Variants in SHROOM3 observed in about 807,000 individuals in gnomAD.
The protein encoded by SHROOM3 is shroom family member 3, also known as protein Shroom3.
In SHROOM3, 47 loss-of-function variants were observed where a neutral mutation model predicts 138.6. That is an observed-to-expected ratio of 0.34 (90% CI 0.27 to 0.43). The LOEUF is 0.43. Ranked by LOEUF, SHROOM3 falls within the 20% of genes least tolerant of loss-of-function variation. The pLI is 1.00. For missense variants in SHROOM3, 2,491 were observed against 2,596.5 expected, an observed-to-expected ratio of 0.96 and a Z score of 0.88; for synonymous variants, 1,062 against 1,063.3, an observed-to-expected ratio of 1.00 and a Z score of 0.02.
In SHROOM3 at chr4:76,740,444, C is replaced by T; in HGVS notation, c.2271C>T (p.Gly757=). ...APSHPHTSSL[G]RRGPGPGSAS... ...CGCACCCGCACACATCCAGTCTGGG[C>T]CGGAGGGGGCCCGGCCCAGGCAGCG... The change falls in exon 5 of 11, where the codon GGC becomes GGT. Residue 757 remains glycine, a synonymous_variant. Transcript: ENST00000296043. The surrounding 1 kb of genome is among the most constrained non-coding windows in gnomAD (Gnocchi z 4.0). 6.2e-7 allele frequency: 1 copy of T among 1,611,970 alleles called. No individual in the cohort carries two copies.
intron 1 of SHROOM3, among the ~76,000 whole-genome samples, chr4:76,462,397 G>A (rs944402642): frequency 5.9e-5 from 9 of 151,940 alleles, no homozygotes; most frequent in Non-Finnish European, 2.9e-5. Flanking sequence ...TCTACATATA[G>A]TCTACATATA....
At chr4:76,583,802 TACTA>T (rs1321627723) in intron 2 of SHROOM3, among the ~76,000 whole-genome samples, 5 of 152,226 alleles carry the variant, frequency 3.3e-5, no homozygotes, top group African/African-American at 9.7e-5. Context: ...ACATAGTAAC[TACTA>T]ACTATGGGTC....
chr4:76,604,267 A>G (rs981758857), intron 2 of SHROOM3, among the ~76,000 whole-genome samples: 5 of 152,140 alleles, frequency 3.3e-5, no homozygotes, highest in Non-Finnish European at 5.9e-5. Flanking sequence ...CTACTGGTTG[A>G]TTGTGCTTTA....
chr4:76,501,318 G>A (rs1004278151), intron 1 of SHROOM3, among the ~76,000 whole-genome samples: 1 of 152,030 alleles, frequency 6.6e-6, no homozygotes, highest in African/African-American at 2.4e-5. Context: ...GTTTCTTTGT[G>A]TTACTATTTG....
At chr4:76,713,350 A>G (rs1322858405) in intron 3 of SHROOM3, among the ~76,000 whole-genome samples, 2 of 151,990 alleles carry the variant, frequency 1.3e-5, no homozygotes, top group East Asian at 3.9e-4. Flanking sequence ...TTTTCTTTTA[A>G]ACATTTTTGT....
chr4:76,509,032 C>T (rs1732275515), intron 1 of SHROOM3, among the ~76,000 whole-genome samples: 1 of 152,148 alleles, frequency 6.6e-6, no homozygotes, highest in African/African-American at 2.4e-5. Context: ...GTGTTCATGA[C>T]TTAATCACTT....
chr4:76,609,551 G>A (rs952499632), intron 2 of SHROOM3, among the ~76,000 whole-genome samples: 5 of 152,206 alleles, frequency 3.3e-5, no homozygotes, highest in African/African-American at 7.2e-5. Context: ...GATTACAGGC[G>A]TGAGCCATTG....
Position 76,550,107 on chromosome 4 carries a change from G to A in SHROOM3, c.169-5502G>A, listed in dbSNP as rs551213219. The stretch of plus-strand genomic sequence containing the variant: ...TGTGCGTTTTAATTTTTTTTTATCA[G>A]TATAGGCTCTCTGACATGTCCCAGT... On this transcript the variant is annotated intron_variant, in intron 1 of 10. Coordinates refer to ENST00000296043, the MANE Select transcript of SHROOM3 (RefSeq NM_020859.4). 3.0e-4 allele frequency among the ~76,000 whole-genome samples: 45 copies of A among 152,150 alleles called. No homozygotes were observed. In the South Asian group the frequency reaches 8.7e-3, roughly 30 times the overall value.
intron 2 of SHROOM3, among the ~76,000 whole-genome samples, chr4:76,691,952 T>TGGG (rs1203356675): frequency 1.3e-5 from 2 of 152,190 alleles, no homozygotes; most frequent in Non-Finnish European, 2.9e-5. Flanking sequence ...CAGGATTTCA[T>TGGG]GGGTTGCCGC....
At chr4:76,719,519 ACAT>A (rs1226832617) in intron 3 of SHROOM3, among the ~76,000 whole-genome samples, 1 of 152,256 alleles carries the variant, frequency 6.6e-6, no homozygotes, top group Non-Finnish European at 1.5e-5. Context: ...ATGCTATTAC[ACAT>A]CATAGATATT....
chr4:76,465,800 T>C (rs1035424658), intron 1 of SHROOM3, among the ~76,000 whole-genome samples: 1 of 152,234 alleles, frequency 6.6e-6, no homozygotes, highest in African/African-American at 2.4e-5. Context: ...AAATATAAGA[T>C]TGCTGGGCCT....
intron 1 of SHROOM3, among the ~76,000 whole-genome samples, chr4:76,468,908 A>C (rs911542002): frequency 1.3e-5 from 2 of 151,788 alleles, no homozygotes; most frequent in Non-Finnish European, 2.9e-5. Context: ...GTGGCAGGCG[A>C]CTGTAGTCCC....
chr4:76,756,971 C>A (rs756139784), intron 8 of SHROOM3, 34 bp downstream of exon 8: 2 of 1,613,234 alleles, frequency 1.2e-6, no homozygotes, highest in Non-Finnish European at 1.7e-6. Flanking sequence ...GAGAGACTTA[C>A]AATCACACTC....
intron 2 of SHROOM3, among the ~76,000 whole-genome samples, chr4:76,575,092 C>A (rs1733912631): frequency 6.6e-6 from 1 of 152,154 alleles, no homozygotes; most frequent in Admixed American, 6.5e-5. Context: ...GAATGAAGAA[C>A]AAAACCAGAT....
intron 3 of SHROOM3, among the ~76,000 whole-genome samples, chr4:76,713,872 C>T (rs1720301132): frequency 6.6e-6 from 1 of 152,082 alleles, no homozygotes; most frequent in Non-Finnish European, 1.5e-5. Context: ...AATTGTAAGC[C>T]CTATGTTAGT....
In SHROOM3 at chr4:76,681,597, GTGTGT is replaced by G. The variant is rs1719196265; in HGVS notation, c.324-28558_324-28554del. On this transcript the variant is annotated intron_variant, in intron 2 of 10. Coordinates refer to ENST00000296043, the MANE Select transcript of SHROOM3 (RefSeq NM_020859.4). ...AAGAAGCTTAGGCAGAGTCTAGGGT[GTGTGT>G]GTGTGTGTGTGTGTGTGTGTGTGTG... 4.2e-5 allele frequency among the ~76,000 whole-genome samples: 5 copies of G among 118,536 alleles called. No individual in the cohort carries two copies. The South Asian group carries it at 1.6e-3, about 39-fold the overall frequency. The allele number at this position is 118,536 out of a possible 152,430, so 77.8% of individuals were successfully genotyped here.
chr4:76,586,514 C>T, intron 2 of SHROOM3: 2 of 973,082 alleles, frequency 2.1e-6, no homozygotes, highest in Non-Finnish European at 2.4e-6. Context: ...CATTATTTCT[C>T]CGTCGATGTT....
intron 2 of SHROOM3, among the ~76,000 whole-genome samples, chr4:76,662,692 T>G: frequency 6.6e-6 from 1 of 152,228 alleles, no homozygotes; most frequent in Non-Finnish European, 1.5e-5. Context: ...ATCCAGTTGC[T>G]TAAGAATCCA....
At chr4:76,690,571 T>C (rs1456060410) in intron 2 of SHROOM3, among the ~76,000 whole-genome samples, 1 of 152,216 alleles carries the variant, frequency 6.6e-6, no homozygotes, top group South Asian at 2.1e-4. Context: ...TTAGTTGTTT[T>C]AAAGCCTAGT....
Sources: allele counts gnomAD v4.1 joint callset (sites outside exome capture counted in the v4.1 genomes callset), GRCh38; gene constraint gnomAD v4.1.1; non-coding constraint Gnocchi (gnomAD v3.1); transcripts MANE v1.5; gene names NCBI Gene and HGNC (gene_info 2026-07-23, HGNC 2026-07-21).